The following SLC41A3 variants were observed in gnomAD, a reference collection of about 807,000 sequenced individuals.
SLC41A3 encodes solute carrier family 41 member 3, also known as SLC41A1-like 2.
In SLC41A3, 44 loss-of-function variants were observed where a neutral mutation model predicts 45.4. The observed-to-expected ratio is 0.97, with a 90% confidence interval of 0.76 to 1.25. SLC41A3 has a LOEUF of 1.25. Ranked by LOEUF, SLC41A3 falls within the 50% of genes most tolerant of loss-of-function variation. The pLI, the probability that SLC41A3 is intolerant of heterozygous loss-of-function variation, is 0.00. For missense variants in SLC41A3, 550 were observed against 600.6 expected (o/e 0.92, Z 0.88); for synonymous variants, 256 against 252.4 (o/e 1.01, Z -0.13).
At chr3:126,059,304 A>AAGAAAAGAAAG (rs1943919051) in intron 2 of SLC41A3, among the ~76,000 whole-genome samples, 1 of 103,482 alleles carries the variant, frequency 9.7e-6, no homozygotes, top group African/African-American at 3.5e-5. Flanking sequence ...GAAAGAAAGA[A>AAGAAAAGAAAG]AGAAAGGAAG....
intron 3 of SLC41A3, among the ~76,000 whole-genome samples, chr3:126,035,848 C>G (rs1503072): frequency 2.0e-5 from 3 of 151,874 alleles, no homozygotes; most frequent in Admixed American, 6.6e-5. Context: ...AGGGGGCTCT[C>G]GGGGGAGCAG....
At chr3:126,057,917 G>C (rs1466881639) in intron 2 of SLC41A3, 1 of 152,240 alleles carries the variant, frequency 6.6e-6, no homozygotes, top group Non-Finnish European at 1.5e-5. Context: ...TGTCCCCACA[G>C]CTTAACCGAG....
intron 2 of SLC41A3, chr3:126,067,503 A>T: frequency 2.6e-6 from 1 of 385,842 alleles, no homozygotes; most frequent in Non-Finnish European, 5.1e-6. Context: ...CACGGAGAAA[A>T]GGCAGCCGTC....
intron 4 of SLC41A3, among the ~76,000 whole-genome samples, chr3:126,032,365 G>A (rs1195470184): frequency 4.6e-5 from 7 of 152,210 alleles, no homozygotes; most frequent in Admixed American, 3.3e-4. Context: ...TGCACAACTC[G>A]GAGGCAGAAG....
intron 3 of SLC41A3, among the ~76,000 whole-genome samples, chr3:126,046,628 C>T (rs1417406960): frequency 6.6e-6 from 1 of 152,106 alleles, no homozygotes; most frequent in Non-Finnish European, 1.5e-5. Flanking sequence ...AATGAAAAGA[C>T]ATACCATATC....
intron 3 of SLC41A3, among the ~76,000 whole-genome samples, chr3:126,048,361 A>C (rs1412699222): frequency 6.6e-6 from 1 of 152,178 alleles, no homozygotes; most frequent in Non-Finnish European, 1.5e-5. Context: ...TCTCTTTTTA[A>C]ATTATACCTT....
At chr3:126,020,979 T>C (rs1022390303) in intron 6 of SLC41A3, among the ~76,000 whole-genome samples, 49 of 152,072 alleles carry the variant, frequency 3.2e-4, no homozygotes, top group Middle Eastern at 3.4e-3. Context: ...ACTGCAAGCT[T>C]CGCCTCCCAG....
chr3:126,029,495 C>T (rs1402778341), intron 4 of SLC41A3, among the ~76,000 whole-genome samples: 1 of 152,170 alleles, frequency 6.6e-6, no homozygotes, highest in Non-Finnish European at 1.5e-5. Flanking sequence ...ATCATGCTTC[C>T]TGTACAGCCT....
chr3:126,056,422 A>G (rs1216319256), intron 2 of SLC41A3: 2 of 1,614,212 alleles, frequency 1.2e-6, no homozygotes, highest in Non-Finnish European at 1.7e-6. Flanking sequence ...AATGGGCACC[A>G]CGACCTGGCA....
At position 126,068,027 on chromosome 3, in the gene SLC41A3, T is replaced by A; in HGVS notation, c.193A>T (p.Ile65Leu). The change falls in exon 2 of 11, where the codon ATA becomes TTA. Residue 65 changes from isoleucine (I) to leucine (L), a missense_variant. Physicochemically the swap from Ile to Leu is conservative, Grantham distance 5. Transcript: ENST00000360370. Reference sequence around the variant, plus strand: ...AAGGGCACGGTCACCTGAAGGCCTATGGACCAGGTGGTCTCCCTGCTAGGC... The same window carrying A: ...AAGGGCACGGTCACCTGAAGGCCTAAGGACCAGGTGGTCTCCCTGCTAGGC... ...TEPSRETTWS[I>L]GLQVTVPFMF... The A allele has an allele frequency of 6.2e-7, 1 of 1,613,946 alleles. No individual in the cohort carries two copies. The highest frequency in any genetic ancestry group is 8.5e-7 in the Non-Finnish European group (1 of 1,179,978).
intron 2 of SLC41A3, among the ~76,000 whole-genome samples, chr3:126,063,949 A>ACCACCC (rs1944206780): frequency 9.8e-6 from 1 of 101,996 alleles, no homozygotes; most frequent in Non-Finnish European, 2.1e-5. Context: ...GCCAGATCCA[A>ACCACCC]CCCCCCCCCG....
At chr3:126,049,195 T>C (rs1320563890) in intron 3 of SLC41A3, among the ~76,000 whole-genome samples, 2 of 151,338 alleles carry the variant, frequency 1.3e-5, no homozygotes, top group Non-Finnish European at 2.9e-5. Flanking sequence ...GTGTTTAAAA[T>C]GTAGTTACGG....
intron 9 of SLC41A3, among the ~76,000 whole-genome samples, chr3:126,011,582 G>A (rs1302617678): frequency 3.3e-5 from 5 of 152,242 alleles, no homozygotes; most frequent in Non-Finnish European, 5.9e-5. Flanking sequence ...TGTGTTCAAG[G>A]AGCCTAACAA....
chr3:126,101,139 G>A (rs1945700643), intron 1 of SLC41A3, among the ~76,000 whole-genome samples: 1 of 152,212 alleles, frequency 6.6e-6, no homozygotes, highest in Non-Finnish European at 1.5e-5. Context: ...GTTGGGCAAT[G>A]CCCATCGCCG....
intron 1 of SLC41A3, among the ~76,000 whole-genome samples, chr3:126,079,976 C>T (rs1256794685): frequency 1.3e-5 from 2 of 152,160 alleles, no homozygotes; most frequent in Non-Finnish European, 2.9e-5. Context: ...GGGGAAAGGA[C>T]AGTCTCCTCA....
In SLC41A3 at chr3:126,020,276, C is replaced by CAA. The variant is rs1277790337; in HGVS notation, c.745+2509_745+2510insTT. ...CTGGGCCTGTCCCCTGAAACGATTCCGTCTTTCTAGGCTTCTGGGCCTGTG... is the reference window on the plus strand; with the variant it reads ...CTGGGCCTGTCCCCTGAAACGATTCCAAGTCTTTCTAGGCTTCTGGGCCTGTG... On this transcript the variant is annotated intron_variant, in intron 6 of 10. Coordinates refer to ENST00000360370, the MANE Select transcript of SLC41A3 (RefSeq NM_017836.4). Among the ~76,000 whole-genome samples the CAA allele has an allele frequency of 4.5e-4, 68 of 152,186 alleles. No individual in the cohort carries two copies. The South Asian group carries it at 0.014, about 31-fold the overall frequency.
At chr3:126,094,404 T>C (rs912519460) in intron 1 of SLC41A3, among the ~76,000 whole-genome samples, 2 of 152,322 alleles carry the variant, frequency 1.3e-5, no homozygotes, top group African/African-American at 4.8e-5. Context: ...AGAAATTAGT[T>C]ACTGAACAAT....
At position 126,026,357 on chromosome 3, in the gene SLC41A3, G is replaced by T; in HGVS notation, c.576C>A (p.Ala192=). Residue 192 remains alanine, a synonymous_variant, in exon 5 of 11, where the codon GCC becomes GCA. Coordinates refer to ENST00000360370, the MANE Select transcript of SLC41A3 (RefSeq NM_017836.4). This position sits in a 1 kb window ranked among gnomAD's most constrained non-coding sequence, Gnocchi z 4.2. Reference sequence around the variant, plus strand: ...CACCCAGGGCAAAGGCTGCAAGGAAGGCAGTGAGGACACTGCTGGCACACA... The same window carrying T: ...CACCCAGGGCAAAGGCTGCAAGGAATGCAGTGAGGACACTGCTGGCACACA... ...ELLCASSVLT[A]FLAAFALGVL... 1 of 1,569,190 alleles carries T rather than the reference G, an allele frequency of 6.4e-7. No individual in the cohort carries two copies.
intron 3 of SLC41A3, among the ~76,000 whole-genome samples, chr3:126,036,347 T>A (rs1379821614): frequency 6.6e-6 from 1 of 152,180 alleles, no homozygotes; most frequent in Non-Finnish European, 1.5e-5. Flanking sequence ...TTCTGGTTGG[T>A]TCTGGCCAAT....
Sources: allele counts gnomAD v4.1 joint callset (sites outside exome capture counted in the v4.1 genomes callset), GRCh38; gene constraint gnomAD v4.1.1; non-coding constraint Gnocchi (gnomAD v3.1); transcripts MANE v1.5; gene names NCBI Gene and HGNC (gene_info 2026-07-23, HGNC 2026-07-21).